LYPD6: variants seen among roughly 807,000 people sequenced by gnomAD.
LYPD6 encodes ly6/PLAUR domain-containing protein 6.
Under a neutral mutation model 22.7 loss-of-function variants are expected in LYPD6, and 15 were observed. That is an observed-to-expected ratio of 0.66 (90% CI 0.44 to 1.02). LYPD6 has a LOEUF of 1.02. Among genes scored for constraint, LYPD6 ranks in the 50% least tolerant of loss-of-function variants. The pLI is 0.00. For missense variants in LYPD6, 189 were observed against 208.4 expected (o/e 0.91, Z 0.57); for synonymous variants, 72 against 77.5 (o/e 0.93, Z 0.37).
At chr2:149,445,434 G>A (rs558169514) in intron 2 of LYPD6, among the ~76,000 whole-genome samples, 2 of 152,314 alleles carry the variant, frequency 1.3e-5, no homozygotes, top group South Asian at 4.1e-4. Context: ...AGCTATGAAA[G>A]TCCTAGATGT....
intron 3 of LYPD6, among the ~76,000 whole-genome samples, chr2:149,451,395 T>A (rs1358936641): frequency 2.6e-5 from 4 of 152,148 alleles, no homozygotes; most frequent in African/African-American, 7.2e-5. Flanking sequence ...ATATGAACTC[T>A]GGGGGACACA....
chr2:149,367,191 A>G (rs1281866691), intron 1 of LYPD6, among the ~76,000 whole-genome samples: 2 of 152,174 alleles, frequency 1.3e-5, no homozygotes, highest in African/African-American at 2.4e-5. Context: ...TTCAGGGTCT[A>G]TTACAAGGCT....
intron 1 of LYPD6, among the ~76,000 whole-genome samples, chr2:149,359,424 G>T (rs1681527264): frequency 6.6e-6 from 1 of 152,198 alleles, no homozygotes; most frequent in Admixed American, 6.5e-5. Flanking sequence ...TCTGTTAGTG[G>T]CTAATGTCAA....
the LYPD6 span, among the ~76,000 whole-genome samples, chr2:149,484,159 A>G: frequency 6.6e-6 from 1 of 152,244 alleles, no homozygotes; most frequent in Admixed American, 6.5e-5. Context: ...ATAAACCTAT[A>G]GTACTGTCAA....
the LYPD6 span, among the ~76,000 whole-genome samples, chr2:149,485,867 CAA>C: frequency 3.3e-5 from 5 of 152,220 alleles, no homozygotes; most frequent in African/African-American, 1.2e-4. Flanking sequence ...GTTCTGCAGG[CAA>C]AGACACTATG....
chr2:149,371,805 C>T (rs985730634), intron 1 of LYPD6, among the ~76,000 whole-genome samples: 4 of 152,138 alleles, frequency 2.6e-5, no homozygotes, highest in South Asian at 2.1e-4. Context: ...AGAGTAGCTT[C>T]GTCAAATCTG....
At position 149,462,077 on chromosome 2, in the gene LYPD6, A is replaced by T. The variant is rs914844808; in HGVS notation, c.218-6568A>T. ...AAGACAAGAAAAGTAAATAAAAGACATACAGATTGGAAAGGAAAATATGAC... is the reference window on the plus strand; with the variant it reads ...AAGACAAGAAAAGTAAATAAAAGACTTACAGATTGGAAAGGAAAATATGAC... On this transcript the variant is annotated intron_variant, in intron 3 of 4. Coordinates refer to ENST00000334166, the MANE Select transcript of LYPD6 (RefSeq NM_194317.5). Among the ~76,000 whole-genome samples, 3 of 152,046 alleles carry T rather than the reference A, an allele frequency of 2.0e-5. No homozygotes were observed. In the East Asian group the frequency reaches 5.8e-4, roughly 29 times the overall value.
At chr2:149,443,231 A>G (rs1024206731) in intron 2 of LYPD6, among the ~76,000 whole-genome samples, 2 of 152,230 alleles carry the variant, frequency 1.3e-5, no homozygotes, top group African/African-American at 4.8e-5. Flanking sequence ...TAGGGTCTCA[A>G]TAAGTTTGTT....
intron 1 of LYPD6, among the ~76,000 whole-genome samples, chr2:149,337,041 A>G (rs1053384642): frequency 2.0e-5 from 3 of 151,964 alleles, no homozygotes; most frequent in Non-Finnish European, 4.4e-5. Context: ...TTTACATTCA[A>G]TGGATTTTAC....
At position 149,449,550 on chromosome 2, in the gene LYPD6, A is replaced by C. The variant is rs1003589691; in HGVS notation, c.217+403A>C. On this transcript the variant is annotated intron_variant, in intron 3 of 4. Coordinates refer to ENST00000334166, the MANE Select transcript of LYPD6 (RefSeq NM_194317.5). The stretch of plus-strand genomic sequence containing the variant: ...ATTACATATCTTGCCAGAGACTTTC[A>C]TGCAGTCTCTAGAATTTAGAATTCT... Among the ~76,000 whole-genome samples, 19 of 152,232 alleles carry C rather than the reference A, an allele frequency of 1.2e-4. 1 individual carries two copies. Among genetic ancestry groups the C allele is most frequent in the African/African-American group, 4.6e-4 (19 of 41,456 alleles).
intron 3 of LYPD6, among the ~76,000 whole-genome samples, chr2:149,450,997 C>G (rs957594664): frequency 6.6e-6 from 1 of 152,132 alleles, no homozygotes; most frequent in African/African-American, 2.4e-5. Context: ...AAGCTGTTGC[C>G]CTGTTGGTCA....
chr2:149,435,130 T>C (rs562747402), intron 1 of LYPD6, among the ~76,000 whole-genome samples: 1 of 152,272 alleles, frequency 6.6e-6, no homozygotes, highest in South Asian at 2.1e-4. Context: ...GGACTATGCA[T>C]GTAGGGCAAA....
At chr2:149,385,236 T>C (rs993913021) in intron 1 of LYPD6, among the ~76,000 whole-genome samples, 2 of 152,138 alleles carry the variant, frequency 1.3e-5, no homozygotes, top group African/African-American at 4.8e-5. Context: ...ATGTATTCAC[T>C]GTGTGTAAAC....
intron 2 of LYPD6, among the ~76,000 whole-genome samples, chr2:149,444,355 G>A (rs1228316990): frequency 6.6e-6 from 1 of 152,160 alleles, no homozygotes; most frequent in African/African-American, 2.4e-5. Context: ...GATGGCTGTT[G>A]AATGATCAGG....
At chr2:149,436,886 G>GT (rs59695745) in intron 1 of LYPD6, among the ~76,000 whole-genome samples, 1 of 152,128 alleles carries the variant, frequency 6.6e-6, no homozygotes. Flanking sequence ...CATCCAATCC[G>GT]TTTTTTAAAT....
rs1476505348 is a variant in LYPD6, at chr2:149,471,351, T to C, written c.*501T>C. On this transcript the variant is annotated 3_prime_UTR_variant, in exon 5 of 5. Transcript: ENST00000334166. ...TATTTCCTTGGAAATTCTGACTGAG[T>C]CCCTGGAAGAGTAGTAATTCCAACA... The C allele has an allele frequency of 1.3e-5, 2 of 152,310 alleles. No individual in the cohort carries two copies. Among genetic ancestry groups the C allele is most frequent in the Non-Finnish European group, 2.9e-5 (2 of 68,130 alleles). 9.4% of individuals were successfully genotyped at this position (152,310 alleles called of 1,614,324 possible).
chr2:149,434,177 AG>A (rs1315394853), intron 1 of LYPD6, among the ~76,000 whole-genome samples: 1 of 152,080 alleles, frequency 6.6e-6, no homozygotes, highest in Non-Finnish European at 1.5e-5. Context: ...TGATGGAGGG[AG>A]GGGGGAAGCA....
intron 1 of LYPD6, among the ~76,000 whole-genome samples, chr2:149,397,335 A>G (rs992094074): frequency 6.6e-6 from 1 of 152,082 alleles, no homozygotes; most frequent in Non-Finnish European, 1.5e-5. Flanking sequence ...TTATTGTTTC[A>G]GTGTTCCTCC....
intron 1 of LYPD6, among the ~76,000 whole-genome samples, chr2:149,431,734 G>A (rs1220606296): frequency 6.6e-6 from 1 of 151,864 alleles, no homozygotes; most frequent in Non-Finnish European, 1.5e-5. Context: ...TTTTTATAAG[G>A]GAACAAAATC....
Sources: allele counts gnomAD v4.1 joint callset (sites outside exome capture counted in the v4.1 genomes callset), GRCh38; gene constraint gnomAD v4.1.1; transcripts MANE v1.5; gene names NCBI Gene and HGNC (gene_info 2026-07-23, HGNC 2026-07-21).